PLEKHA7: variants seen among roughly 807,000 people sequenced by gnomAD.
PLEKHA7 encodes the protein pleckstrin homology domain containing A7, also known as pleckstrin homology domain-containing family A member 7.
A neutral mutation model predicts 170.0 loss-of-function variants in PLEKHA7; 104 were observed. That is an observed-to-expected ratio of 0.61 (90% confidence interval 0.52 to 0.72). The LOEUF (loss-of-function observed/expected upper bound fraction) is 0.72. Among genes scored for constraint, PLEKHA7 ranks in the 30% least tolerant of loss-of-function variants. The pLI, the probability that PLEKHA7 is intolerant of heterozygous loss-of-function variation, is 0.00. For synonymous variants in PLEKHA7, 648 were observed against 660.8 expected (o/e 0.98, Z 0.30); for missense variants, 1,615 against 1,671.7 (o/e 0.97, Z 0.59).
intron 9 of PLEKHA7, among the ~76,000 whole-genome samples, chr11:16,839,890 A>G (rs1361135436): frequency 1.3e-5 from 2 of 152,166 alleles, no homozygotes; most frequent in Admixed American, 6.6e-5. Context: ...AAAGACCAGG[A>G]AACAGTGACT....
At position 16,783,735 on chromosome 11, in the gene PLEKHA7, T is replaced by A; in HGVS notation, c.3615A>T (p.Lys1205Asn). The change falls in exon 25 of 27, where the codon AAA (lysine) becomes AAT (asparagine). Residue 1205 changes from lysine to asparagine, a missense_variant. Physicochemically the swap from Lys to Asn is moderately conservative, Grantham distance 94 (BLOSUM62 0). Coordinates refer to ENST00000531066, the MANE Select transcript of PLEKHA7 (RefSeq NM_001329630.2). ...CGAGGATGTTGCGGATCTTCTCGGCTTTGCGGTACCGCGCCTGCAGCTCCT... is the reference window on the plus strand; with the variant it reads ...CGAGGATGTTGCGGATCTTCTCGGCATTGCGGTACCGCGCCTGCAGCTCCT... ...SLEELQARYR[K>N]AEKIRNILAR... is the part of the protein sequence containing the mutation. 6.7e-7 allele frequency: 1 copy of A among 1,495,876 alleles called. No individual in the cohort carries two copies. Among genetic ancestry groups the A allele is most frequent in the Non-Finnish European group, 8.9e-7 (1 of 1,127,442 alleles). 92.7% of individuals were successfully genotyped at this position (1,495,876 alleles called of 1,614,324 possible). A position where few individuals can be genotyped will look rare whatever the true frequency, so the allele number is the denominator to read the frequency against.
intron 3 of PLEKHA7, among the ~76,000 whole-genome samples, chr11:16,945,406 T>C (rs907136342): frequency 1.3e-5 from 2 of 152,330 alleles, no homozygotes; most frequent in African/African-American, 2.4e-5. Flanking sequence ...TTCACACAGG[T>C]GTCTCTCCTC....
Position 16,826,406 on chromosome 11 carries a change from C to T in PLEKHA7, c.1057G>A (p.Glu353Lys). Residue 353 changes from glutamate to lysine, a missense_variant, in exon 10 of 27, where the codon GAG becomes AAG. Coordinates refer to ENST00000531066, the MANE Select transcript of PLEKHA7 (RefSeq NM_001329630.2). ...EQYRSQRDPL[E>K]GKRDRSKARS... is the part of the protein sequence containing the mutation. ...GCCTTGCTCCGGTCCCGCTTGCCCT[C>T]CAGTGGGTCCCTCTGGGAACGGTAC... 1 of 1,614,272 alleles carries T rather than the reference C, an allele frequency of 6.2e-7. No individual in the cohort carries two copies. Among genetic ancestry groups the T allele is most frequent in the Non-Finnish European group, 8.5e-7 (1 of 1,180,054 alleles).
chr11:16,973,989 T>C (rs976689971), intron 3 of PLEKHA7, among the ~76,000 whole-genome samples: 1 of 152,246 alleles, frequency 6.6e-6, no homozygotes, highest in South Asian at 2.1e-4. Flanking sequence ...AGGGTTCTTC[T>C]TTATCATCAC....
chr11:16,777,382 TTCA>T lies in PLEKHA7; in HGVS notation c.*1613_*1615del, dbSNP rs1260826395. On this transcript the variant is annotated 3_prime_UTR_variant, in exon 27 of 27. Transcript: ENST00000531066. ...TAACTTTTTCTTGCAAAATATTCAT[TTCA>T]TTTTTTCCAAGAAAATCTTATAAAG... 3 of 152,248 alleles carry T rather than the reference TTCA, an allele frequency of 2.0e-5. No homozygotes were observed. 9.4% of individuals were successfully genotyped at this position (152,248 alleles called of 1,614,324 possible). A position where few individuals can be genotyped will look rare whatever the true frequency, so the allele number is the denominator to read the frequency against.
At chr11:16,827,047 C>G (rs1031859276) in intron 9 of PLEKHA7, among the ~76,000 whole-genome samples, 3 of 152,176 alleles carry the variant, frequency 2.0e-5, no homozygotes, top group Non-Finnish European at 4.4e-5. Flanking sequence ...GAAGACCACT[C>G]CTGTGCTCCT....
chr11:16,801,614 C>T (rs776298140), intron 16 of PLEKHA7, 54 bp downstream of exon 16: 1 of 1,603,166 alleles, frequency 6.2e-7, no homozygotes, highest in Non-Finnish European at 8.5e-7. Context: ...GGGAGAAAAG[C>T]AGCCCCTTGC....
intron 9 of PLEKHA7, among the ~76,000 whole-genome samples, chr11:16,831,792 A>C (rs747348398): frequency 1.3e-5 from 2 of 152,224 alleles, no homozygotes; most frequent in Non-Finnish European, 2.9e-5. Flanking sequence ...TGTGAGGATT[A>C]ATGGTGCACA....
intron 3 of PLEKHA7, among the ~76,000 whole-genome samples, chr11:16,965,163 A>AC (rs1862296168): frequency 2.6e-5 from 4 of 151,558 alleles, no homozygotes; most frequent in Admixed American, 6.6e-5. Context: ...ACAAAAAAAA[A>AC]CCCAAAAACA....
At chr11:16,826,769 C>A (rs902742273) in intron 9 of PLEKHA7, among the ~76,000 whole-genome samples, 179 bp from the exon 10 acceptor site, 1 of 152,218 alleles carries the variant, frequency 6.6e-6, no homozygotes, top group Non-Finnish European at 1.5e-5. Context: ...TCTGGCTTAA[C>A]ACCACCTCCT....
chr11:16,922,249 CTTAA>C lies in PLEKHA7; in HGVS notation c.222-51071_222-51068del, dbSNP rs60215141. Among the ~76,000 whole-genome samples, 1,239 of 152,224 alleles carry C rather than the reference CTTAA, an allele frequency of 8.1e-3. 18 individuals are homozygous for C. The highest frequency in any genetic ancestry group is 0.028 in the African/African-American group (1,158 of 41,554). On this transcript the variant is annotated intron_variant, in intron 3 of 26. Transcript: ENST00000531066. ...AATGATCCAAGGACTCTCTAGCTGC[CTTAA>C]TTAATGAAAAATAATAGCTATCAAT... is the stretch of plus-strand genomic sequence containing the variant.
intron 12 of PLEKHA7, among the ~76,000 whole-genome samples, chr11:16,813,835 T>C (rs1474094284): frequency 6.6e-6 from 1 of 152,226 alleles, no homozygotes; most frequent in Non-Finnish European, 1.5e-5. Context: ...TATCAAGTTC[T>C]TCAGTATAAT....
At chr11:16,994,846 C>A (rs1176013867) in intron 3 of PLEKHA7, among the ~76,000 whole-genome samples, 1 of 152,166 alleles carries the variant, frequency 6.6e-6, no homozygotes, top group Non-Finnish European at 1.5e-5. Flanking sequence ...CTTCTCAAAG[C>A]ATTTGCACAG....
chr11:16,783,685 C>G lies in PLEKHA7; in HGVS notation c.3650+15G>C. 7.1e-7 allele frequency: 1 copy of G among 1,400,912 alleles called. No homozygotes were observed. The highest frequency in any genetic ancestry group is 1.8e-4 in the Middle Eastern group (1 of 5,518). The allele number at this position is 1,400,912 out of a possible 1,614,324, so 86.8% of individuals were successfully genotyped here. ...TCAGGGTGACCTGCCAACACTTGAG[C>G]AAGCGAGGGCTGACCTTGACCGGGC... On this transcript the variant is annotated intron_variant, in intron 25 of 26. Coordinates refer to ENST00000531066, the MANE Select transcript of PLEKHA7 (RefSeq NM_001329630.2).
chr11:16,836,435 A>G (rs985469482), intron 9 of PLEKHA7, among the ~76,000 whole-genome samples: 11 of 152,350 alleles, frequency 7.2e-5, no homozygotes, highest in Middle Eastern at 3.4e-3. Flanking sequence ...GTCCTAATAC[A>G]TACCACCACT....
intron 3 of PLEKHA7, among the ~76,000 whole-genome samples, chr11:16,905,339 G>C (rs904565879): frequency 2.6e-5 from 4 of 152,160 alleles, no homozygotes; most frequent in African/African-American, 9.7e-5. Context: ...TTAAGGTGAA[G>C]TGAATATGGC....
chr11:16,790,833 C>A lies in PLEKHA7; in HGVS notation c.3017G>T (p.Gly1006Val). Residue 1006 changes from glycine to valine, a missense_variant, in exon 21 of 27, where the codon GGC (glycine) becomes GTC (valine). Transcript: ENST00000531066. ...CAGCGTCTGGTACCTGCTCTCAGGG[C>A]CCACAAGTCCTAGGGAGGGCTGGGC... The part of the protein sequence containing the change: ...DMAQPSLGLV[G>V]PESRYQTLPG... The A allele has an allele frequency of 6.2e-7, 1 of 1,609,264 alleles. No individual in the cohort carries two copies. Among genetic ancestry groups the A allele is most frequent in the Non-Finnish European group, 8.5e-7 (1 of 1,178,044 alleles).
chr11:16,901,943 C>A (rs1857366703), intron 3 of PLEKHA7, among the ~76,000 whole-genome samples: 1 of 152,154 alleles, frequency 6.6e-6, no homozygotes, highest in South Asian at 2.1e-4. Context: ...TCACCCCAAT[C>A]AAATTTAAAA....
At chr11:16,894,518 G>A (rs900159161) in intron 3 of PLEKHA7, among the ~76,000 whole-genome samples, 5 of 152,234 alleles carry the variant, frequency 3.3e-5, no homozygotes, top group Non-Finnish European at 7.3e-5. Flanking sequence ...ATGGCAGGGT[G>A]AGCAGGAGAG....
Sources: allele counts gnomAD v4.1 joint callset (sites outside exome capture counted in the v4.1 genomes callset), GRCh38; gene constraint gnomAD v4.1.1; transcripts MANE v1.5; gene names NCBI Gene and HGNC (gene_info 2026-07-23, HGNC 2026-07-21).